Variants in C1orf185 observed in about 807,000 individuals in gnomAD.
The protein encoded by C1orf185 is uncharacterized protein C1orf185.
In C1orf185, 13 loss-of-function variants were observed where a neutral mutation model predicts 16.1. That is an observed-to-expected ratio of 0.81 (90% CI 0.53 to 1.28). The LOEUF (loss-of-function observed/expected upper bound fraction) is 1.28. C1orf185 is among the 50% of genes most tolerant of loss of function. The pLI, the probability that C1orf185 is intolerant of heterozygous loss-of-function variation, is 0.00. For missense variants in C1orf185, 220 were observed against 225.2 expected (o/e 0.98, Z 0.15); for synonymous variants, 80 against 76.9 (o/e 1.04, Z -0.21).
At chr1:51,110,699 T>C (rs1646109909) in intron 1 of C1orf185, among the ~76,000 whole-genome samples, 1 of 152,218 alleles carries the variant, frequency 6.6e-6, no homozygotes, top group Non-Finnish European at 1.5e-5. Flanking sequence ...CTGAGCGTGA[T>C]GGCTTATGCC....
At chr1:51,144,773 G>A (rs1646388165) in intron 3 of C1orf185, among the ~76,000 whole-genome samples, 1 of 152,008 alleles carries the variant, frequency 6.6e-6, no homozygotes, top group Non-Finnish European at 1.5e-5. Context: ...GCTTTTTTGG[G>A]AGACAGGCAA....
chr1:51,141,741 C>G (rs1423949593), intron 3 of C1orf185, among the ~76,000 whole-genome samples: 1 of 152,124 alleles, frequency 6.6e-6, no homozygotes, highest in African/African-American at 2.4e-5. Flanking sequence ...CTTCAGTGTA[C>G]ATACTAAGAA....
At chr1:51,116,103 T>C (rs1646155624) in intron 2 of C1orf185, among the ~76,000 whole-genome samples, 1 of 152,122 alleles carries the variant, frequency 6.6e-6, no homozygotes, top group Non-Finnish European at 1.5e-5. Flanking sequence ...TATCACTAAA[T>C]TCTATTTACC....
At chr1:51,104,084 A>G (rs1230773613) in intron 1 of C1orf185, among the ~76,000 whole-genome samples, 1 of 152,214 alleles carries the variant, frequency 6.6e-6, no homozygotes. Flanking sequence ...TAGATTTTTA[A>G]ACCTCAGAGT....
At chr1:51,124,592 G>A (rs1463619049) in intron 3 of C1orf185, among the ~76,000 whole-genome samples, 1 of 152,194 alleles carries the variant, frequency 6.6e-6, no homozygotes, top group Non-Finnish European at 1.5e-5. Context: ...TATCAACTGT[G>A]ATTATACTCA....
At chr1:51,107,717 A>G (rs1470586414) in intron 1 of C1orf185, among the ~76,000 whole-genome samples, 1 of 152,218 alleles carries the variant, frequency 6.6e-6, no homozygotes, top group African/African-American at 2.4e-5. Context: ...GAACATTACC[A>G]ACATCCCAGA....
downstream of C1orf185, among the ~76,000 whole-genome samples, chr1:51,148,892 G>A (rs535487864): frequency 2.6e-5 from 4 of 152,088 alleles, no homozygotes; most frequent in East Asian, 1.9e-4. Flanking sequence ...ATGCCACTGC[G>A]CTCCAGCAGC....
At chr1:51,124,327 C>T (rs6680069) in intron 3 of C1orf185, among the ~76,000 whole-genome samples, 5,544 of 152,248 alleles carry the variant, frequency 0.036, 341 homozygotes, top group African/African-American at 0.13. Context: ...AGTGATCCGC[C>T]CACCTTGGCC....
intron 1 of C1orf185, among the ~76,000 whole-genome samples, chr1:51,107,903 A>C (rs1646085681): frequency 6.6e-6 from 1 of 152,218 alleles, no homozygotes; most frequent in Non-Finnish European, 1.5e-5. Flanking sequence ...ATTGATTGGC[A>C]TTTGGACAGT....
intron 3 of C1orf185, among the ~76,000 whole-genome samples, chr1:51,120,098 G>T (rs776852011): frequency 1.4e-4 from 22 of 152,114 alleles, no homozygotes; most frequent in Non-Finnish European, 2.4e-4. Context: ...ATGTTCAAAG[G>T]CTTGTGGCTA....
At chr1:51,133,264 A>T (rs186633546) in intron 3 of C1orf185, among the ~76,000 whole-genome samples, 412 of 152,326 alleles carry the variant, frequency 2.7e-3, no homozygotes, top group African/African-American at 8.9e-3. Context: ...CACAGTAGCA[A>T]GCTGGAAAAA....
intron 3 of C1orf185, among the ~76,000 whole-genome samples, chr1:51,137,617 G>A (rs1646334949): frequency 2.0e-5 from 3 of 152,224 alleles, no homozygotes; most frequent in Admixed American, 2.0e-4. Flanking sequence ...GTGTAAATTA[G>A]TTGAATCATT....
In C1orf185 at chr1:51,102,258, A is replaced by G. The variant is rs72692268; in HGVS notation, c.16+9A>G. The G allele has an allele frequency of 0.018, 13,062 of 715,840 alleles. 152 individuals carry two copies. Among genetic ancestry groups the G allele is most frequent in the Non-Finnish European group, 0.022 (8,346 of 383,426 alleles). The allele number at this position is 715,840 out of a possible 1,614,324, so 44.3% of individuals were successfully genotyped here. A position where few individuals can be genotyped will look rare whatever the true frequency, so the allele number is the denominator to read the frequency against. ...TATGGCTTCACCTAAAGGTATGAGA[A>G]GCTGGGTCATGTAGTCTAGCTTTTT... On this transcript the variant is annotated intron_variant, in intron 1 of 4. Transcript: ENST00000371759.
At chr1:51,127,794 G>C (rs546199794) in intron 3 of C1orf185, among the ~76,000 whole-genome samples, 1 of 151,756 alleles carries the variant, frequency 6.6e-6, no homozygotes, top group Admixed American at 6.6e-5. Flanking sequence ...ACGGATATTG[G>C]GTTGTTTTTA....
chr1:51,139,278 T>G (rs770262659), intron 3 of C1orf185, among the ~76,000 whole-genome samples: 7 of 151,994 alleles, frequency 4.6e-5, no homozygotes, highest in Non-Finnish European at 7.4e-5. Context: ...AATTTTTGTA[T>G]TTTTAGTAGA....
In C1orf185 at chr1:51,145,717, A is replaced by T; in HGVS notation, c.259-7A>T. The T allele has an allele frequency of 7.7e-7, 1 of 1,291,562 alleles. No homozygotes were observed. The allele number at this position is 1,291,562 out of a possible 1,614,324, so 80.0% of individuals were successfully genotyped here. ...TTTTAAAACACAAATAACTTTTTTT[A>T]ATGTAGGAGGAGCAAAGAAAAAAGG... On this transcript the variant is annotated splice_region_variant and splice_polypyrimidine_tract_variant and intron_variant, in intron 3 of 4. Transcript: ENST00000371759.
chr1:51,147,791 A>C lies in C1orf185; in HGVS notation c.*20A>C, dbSNP rs1275680190. On this transcript the variant is annotated 3_prime_UTR_variant, in exon 5 of 5. Transcript: ENST00000371759. ...TTATGACCATCAAAAAGATGACTACATTAAGGGAAAATGTTCATGAAGAAA... is the reference window on the plus strand; with the variant it reads ...TTATGACCATCAAAAAGATGACTACCTTAAGGGAAAATGTTCATGAAGAAA... 6.8e-7 allele frequency: 1 copy of C among 1,462,714 alleles called. No homozygotes were observed. Among genetic ancestry groups the C allele is most frequent in the Non-Finnish European group, 9.1e-7 (1 of 1,100,724 alleles). The allele number at this position is 1,462,714 out of a possible 1,614,324, so 90.6% of individuals were successfully genotyped here. A position where few individuals can be genotyped will look rare whatever the true frequency, so the allele number is the denominator to read the frequency against.
chr1:51,124,707 T>C (rs980566714), intron 3 of C1orf185, among the ~76,000 whole-genome samples: 4 of 152,228 alleles, frequency 2.6e-5, no homozygotes, highest in African/African-American at 9.6e-5. Context: ...ATCTGAGTCA[T>C]TGCCATGGAA....
chr1:51,147,515 T>G lies in C1orf185; in HGVS notation c.344T>G (p.Ile115Ser). ...KDEPQLATKN[I>S]ICDPSETSST... is the part of the protein sequence containing the mutation. ...GAACCCCAACTTGCAACAAAAAATA[T>G]CATTTGTGATCCCTCAGAGACCAGC... The change falls in exon 5 of 5, where the codon ATC (isoleucine) becomes AGC (serine). Residue 115 changes from isoleucine (I) to serine (S), a missense_variant. Ile to Ser is a moderately radical substitution (Grantham distance 142). Transcript: ENST00000371759. 13 of 1,544,532 alleles carry G rather than the reference T, an allele frequency of 8.4e-6. No homozygotes were observed. The highest frequency in any genetic ancestry group is 1.1e-5 in the Non-Finnish European group (13 of 1,144,934).
Sources: gnomAD v4.1 joint callset for allele counts (sites outside exome capture counted in the v4.1 genomes callset) on GRCh38, gnomAD v4.1.1 for gene constraint, MANE v1.5 for transcripts, NCBI Gene and HGNC (gene_info 2026-07-23, HGNC 2026-07-21) for gene names.